The following SUGCT variants were observed in gnomAD, a reference collection of about 807,000 sequenced individuals.
SUGCT encodes the protein succinyl-CoA:glutarate-CoA transferase.
A neutral mutation model predicts 55.0 loss-of-function variants in SUGCT; 41 were observed. That is an observed-to-expected ratio of 0.74 (90% CI 0.58 to 0.97). SUGCT has a LOEUF of 0.97. SUGCT is among the 50% of genes least tolerant of loss of function. SUGCT has a pLI of 0.00. For synonymous variants in SUGCT, 187 were observed against 200.4 expected (o/e 0.93, Z 0.56); for missense variants, 568 against 547.8 (o/e 1.04, Z -0.37).
chr7:40,218,364 C>T (rs1279015642), intron 6 of SUGCT, among the ~76,000 whole-genome samples: 1 of 152,156 alleles, frequency 6.6e-6, no homozygotes, highest in East Asian at 1.9e-4. Flanking sequence ...TCCCACTTCT[C>T]CAAATGAAGT....
the SUGCT span, among the ~76,000 whole-genome samples, chr7:41,022,609 C>T: frequency 8.8e-3 from 1,343 of 152,088 alleles, 13 homozygotes; most frequent in African/African-American, 0.029. Flanking sequence ...AATTAAAATC[C>T]AGGTGGAACT....
At chr7:40,941,608 G>A in the SUGCT span, among the ~76,000 whole-genome samples, 49 of 152,108 alleles carry the variant, frequency 3.2e-4, no homozygotes, top group Admixed American at 2.8e-3. Context: ...CAATTTAGTC[G>A]AGTGTTTCTC....
chr7:40,963,594 C>T, the SUGCT span, among the ~76,000 whole-genome samples: 1 of 152,234 alleles, frequency 6.6e-6, no homozygotes, highest in South Asian at 2.1e-4. Flanking sequence ...TGGAATACTC[C>T]TTTCCAAATG....
intron 9 of SUGCT, among the ~76,000 whole-genome samples, chr7:40,405,702 C>T (rs201725798): frequency 4.0e-5 from 6 of 149,592 alleles, no homozygotes; most frequent in South Asian, 2.1e-4. Flanking sequence ...CCCAGCTACT[C>T]GGGAGGCTGA....
At chr7:40,155,758 C>A (rs1783857403) in intron 1 of SUGCT, among the ~76,000 whole-genome samples, 1 of 151,786 alleles carries the variant, frequency 6.6e-6, no homozygotes, top group Non-Finnish European at 1.5e-5. Flanking sequence ...TGCTTTAATG[C>A]AAGTAAGGGT....
chr7:40,248,284 T>TA (rs1790050855), intron 7 of SUGCT, among the ~76,000 whole-genome samples: 1 of 152,210 alleles, frequency 6.6e-6, no homozygotes, highest in South Asian at 2.1e-4. Flanking sequence ...GTGCCGGAAT[T>TA]ACAGGCATGA....
chr7:40,365,491 C>A (rs1783899853), intron 9 of SUGCT, among the ~76,000 whole-genome samples: 1 of 152,090 alleles, frequency 6.6e-6, no homozygotes, highest in Non-Finnish European at 1.5e-5. Context: ...TTGCAGATGA[C>A]ATGATTGTAT....
intron 1 of SUGCT, among the ~76,000 whole-genome samples, chr7:40,177,202 G>A (rs1784968425): frequency 6.6e-6 from 1 of 151,994 alleles, no homozygotes; most frequent in African/African-American, 2.4e-5. Flanking sequence ...CCTAACTTAG[G>A]GGTATGCTTC....
chr7:40,850,597 C>CT (rs1189806588), intron 13 of SUGCT, among the ~76,000 whole-genome samples: 2 of 151,986 alleles, frequency 1.3e-5, no homozygotes, highest in Admixed American at 6.6e-5. Context: ...TCCCGTGCCT[C>CT]TTTTTTATTC....
At chr7:40,824,548 A>T (rs997438292) in intron 13 of SUGCT, among the ~76,000 whole-genome samples, 1 of 152,236 alleles carries the variant, frequency 6.6e-6, no homozygotes, top group Non-Finnish European at 1.5e-5. Flanking sequence ...GTTGGGGTAC[A>T]TGATGCAAGC....
At chr7:40,604,489 G>A (rs7784455) in intron 12 of SUGCT, among the ~76,000 whole-genome samples, 3,828 of 152,178 alleles carry the variant, frequency 0.025, 156 homozygotes, top group African/African-American at 0.089. Context: ...TATAAATAAC[G>A]TATTTAGGTG....
At chr7:40,154,851 T>C (rs1361484884) in intron 1 of SUGCT, among the ~76,000 whole-genome samples, 2 of 152,192 alleles carry the variant, frequency 1.3e-5, no homozygotes, top group African/African-American at 4.8e-5. Flanking sequence ...ATAGGAAAGT[T>C]TACCATCTGC....
the SUGCT span, among the ~76,000 whole-genome samples, chr7:40,880,649 T>C: frequency 6.6e-6 from 1 of 152,186 alleles, no homozygotes; most frequent in African/African-American, 2.4e-5. Context: ...CTGAGTAAAA[T>C]TTCATTGGAA....
At chr7:40,596,445 G>A (rs537339965) in intron 12 of SUGCT, among the ~76,000 whole-genome samples, 1 of 152,228 alleles carries the variant, frequency 6.6e-6, no homozygotes, top group African/African-American at 2.4e-5. Context: ...GAATATTACT[G>A]CTGCAATGTA....
the SUGCT span, among the ~76,000 whole-genome samples, chr7:40,992,564 C>G: frequency 6.6e-6 from 1 of 152,126 alleles, no homozygotes; most frequent in Non-Finnish European, 1.5e-5. Context: ...ATACCTCTGA[C>G]AAAAGTATCC....
intron 9 of SUGCT, among the ~76,000 whole-genome samples, chr7:40,397,039 A>C (rs1231951608): frequency 6.6e-6 from 1 of 152,142 alleles, no homozygotes; most frequent in Non-Finnish European, 1.5e-5. Context: ...AGACCTTACC[A>C]CCAGAGTCAT....
At position 40,524,594 on chromosome 7, in the gene SUGCT, G is replaced by A. The variant is rs1793710507; in HGVS notation, c.1089+28208G>A. On this transcript the variant is annotated intron_variant, in intron 12 of 13. Transcript: ENST00000335693. ...TTTTTTCTGAACATTGTTTTTAAGGGAATGCTGTATTTCTTCAGCTTTATT... is the reference window on the plus strand; with the variant it reads ...TTTTTTCTGAACATTGTTTTTAAGGAAATGCTGTATTTCTTCAGCTTTATT... 3.9e-5 allele frequency among the ~76,000 whole-genome samples: 6 copies of A among 152,016 alleles called. No homozygotes were observed. The South Asian group carries it at 1.3e-3, about 32-fold the overall frequency.
chr7:40,481,033 A>G (rs1791004951), intron 11 of SUGCT, among the ~76,000 whole-genome samples: 2 of 152,192 alleles, frequency 1.3e-5, no homozygotes, highest in South Asian at 2.1e-4. Flanking sequence ...TAAAAAATCA[A>G]GTCTGGTGCA....
intron 12 of SUGCT, among the ~76,000 whole-genome samples, chr7:40,722,761 C>T (rs1295076487): frequency 6.6e-6 from 1 of 152,156 alleles, no homozygotes; most frequent in Non-Finnish European, 1.5e-5. Context: ...CATATTGCTA[C>T]TTCTGTTGTC....
Sources: gnomAD v4.1 joint callset for allele counts (sites outside exome capture counted in the v4.1 genomes callset) on GRCh38, gnomAD v4.1.1 for gene constraint, MANE v1.5 for transcripts, NCBI Gene and HGNC (gene_info 2026-07-23, HGNC 2026-07-21) for gene names.